USP24: variants seen among roughly 807,000 people sequenced by gnomAD.
The protein encoded by USP24 is ubiquitin carboxyl-terminal hydrolase 24.
In USP24, 97 loss-of-function variants were observed where a neutral mutation model predicts 361.6. The ratio of observed to expected loss-of-function variants is 0.27; its 90% CI spans 0.23 to 0.32. The LOEUF (loss-of-function observed/expected upper bound fraction) is 0.32. USP24 is among the 10% of genes least tolerant of loss of function. The pLI, the probability that USP24 is intolerant of heterozygous loss-of-function variation, is 1.00. For missense variants in USP24, 2,353 were observed against 3,165.6 expected (o/e 0.74, Z 6.16); for synonymous variants, 1,098 against 1,124.6 (o/e 0.98, Z 0.47).
intron 7 of USP24, among the ~76,000 whole-genome samples, chr1:55,162,936 TAATG>T (rs1355691462): frequency 1.4e-4 from 22 of 151,918 alleles, no homozygotes; most frequent in African/African-American, 5.3e-4. Flanking sequence ...ATGAACCAAA[TAATG>T]AATGAATTAA....
intron 39 of USP24, among the ~76,000 whole-genome samples, chr1:55,108,318 T>C (rs947884452): frequency 1.3e-5 from 2 of 152,108 alleles, no homozygotes; most frequent in Non-Finnish European, 2.9e-5. Context: ...ATATTGGAAG[T>C]TGAGACTTGG....
At chr1:55,127,066 T>G (rs1646451302) in intron 32 of USP24, among the ~76,000 whole-genome samples, 1 of 152,142 alleles carries the variant, frequency 6.6e-6, no homozygotes, top group Non-Finnish European at 1.5e-5. Flanking sequence ...CCCCCTCAGT[T>G]TTTTTTCTAA....
At chr1:55,131,808 G>A (rs1437589558) in intron 31 of USP24, among the ~76,000 whole-genome samples, 2 of 152,198 alleles carry the variant, frequency 1.3e-5, no homozygotes, top group Non-Finnish European at 2.9e-5. Flanking sequence ...CACTGATATG[G>A]ATTCTATTCT....
intron 1 of USP24, among the ~76,000 whole-genome samples, chr1:55,184,389 A>G (rs1454440889): frequency 6.6e-6 from 1 of 152,192 alleles, no homozygotes; most frequent in Non-Finnish European, 1.5e-5. Context: ...TAAAAGGTTA[A>G]TCCATCAGGA....
chr1:55,175,821 A>G (rs191197904), intron 3 of USP24, among the ~76,000 whole-genome samples: 41 of 152,318 alleles, frequency 2.7e-4, no homozygotes, highest in Middle Eastern at 6.8e-3. Context: ...TCCCATTCCC[A>G]TTGTTAAGAA....
At chr1:55,207,184 G>C (rs1432270234) in intron 1 of USP24, among the ~76,000 whole-genome samples, 1 of 150,372 alleles carries the variant, frequency 6.7e-6, no homozygotes, top group Non-Finnish European at 1.5e-5. Context: ...TTATAAAATT[G>C]TTACCAAAAT....
chr1:55,192,508 T>C (rs1328900446), intron 1 of USP24, among the ~76,000 whole-genome samples: 1 of 152,254 alleles, frequency 6.6e-6, no homozygotes, highest in Non-Finnish European at 1.5e-5. Flanking sequence ...CTCTTCACGA[T>C]GATTTTAAAC....
intron 51 of USP24, among the ~76,000 whole-genome samples, chr1:55,094,965 T>C (rs1427048154): frequency 1.3e-5 from 2 of 151,950 alleles, no homozygotes; most frequent in African/African-American, 2.4e-5. Flanking sequence ...ATCATGCCAC[T>C]GCACTCCAGC....
intron 1 of USP24, among the ~76,000 whole-genome samples, chr1:55,188,788 G>A (rs1046427938): frequency 1.1e-4 from 16 of 151,262 alleles, no homozygotes; most frequent in African/African-American, 3.6e-4. Flanking sequence ...GTGAAACCCC[G>A]TCTCTACTAA....
chr1:55,081,017 C>T (rs1008037707), intron 59 of USP24, among the ~76,000 whole-genome samples: 1 of 152,090 alleles, frequency 6.6e-6, no homozygotes, highest in African/African-American at 2.4e-5. Flanking sequence ...ATTTTCCACA[C>T]AGTAGTGGTT....
At chr1:55,103,818 T>G in intron 42 of USP24, 58 bp downstream of exon 42, 1 of 1,543,734 alleles carries the variant, frequency 6.5e-7, no homozygotes, top group Non-Finnish European at 8.7e-7. Context: ...GTCTTAAAAT[T>G]ATATGTTTCA....
chr1:55,083,209 A>G, intron 58 of USP24, 63 bp downstream of exon 58: 1 of 1,528,782 alleles, frequency 6.5e-7, no homozygotes, highest in Middle Eastern at 1.7e-4. Flanking sequence ...TCACCTACAA[A>G]AAGAAACACA....
chr1:55,091,995 C>G, intron 54 of USP24, 28 bp downstream of exon 54: 1 of 1,537,236 alleles, frequency 6.5e-7, no homozygotes, highest in Non-Finnish European at 8.9e-7. Context: ...TCTGTCACAA[C>G]AGATTATCAA....
intron 56 of USP24, among the ~76,000 whole-genome samples, chr1:55,084,694 G>C (rs1237382613): frequency 1.3e-5 from 2 of 152,156 alleles, no homozygotes; most frequent in Non-Finnish European, 1.5e-5. Flanking sequence ...ACAAGATAAA[G>C]TGGGTGGCAA....
At chr1:55,107,467 A>G in intron 39 of USP24, 37 bp from the exon 40 acceptor site, 1 of 1,515,772 alleles carries the variant, frequency 6.6e-7, no homozygotes, top group East Asian at 2.4e-5. Flanking sequence ...CAAAGAAAGA[A>G]GGATTTCCCT....
intron 29 of USP24, 72 bp from the exon 30 acceptor site, chr1:55,134,235 T>TATAAA: frequency 6.4e-7 from 1 of 1,567,594 alleles, no homozygotes; most frequent in South Asian, 1.1e-5. Flanking sequence ...TAGTATGGAA[T>TATAAA]ATAAAATAAA....
At chr1:55,128,853 T>C (rs1013989275) in intron 32 of USP24, among the ~76,000 whole-genome samples, 3 of 151,764 alleles carry the variant, frequency 2.0e-5, no homozygotes, top group African/African-American at 7.3e-5. Flanking sequence ...TAGTTAGGAC[T>C]ACAAGTGCAT....
chr1:55,160,617 A>G, intron 8 of USP24, among the ~76,000 whole-genome samples: 1 of 152,176 alleles, frequency 6.6e-6, no homozygotes, highest in East Asian at 1.9e-4. Context: ...TTAATTTTGG[A>G]TGGTTTGACA....
At chr1:55,109,019 C>T (rs555507782) in intron 39 of USP24, among the ~76,000 whole-genome samples, 110 of 152,308 alleles carry the variant, frequency 7.2e-4, no homozygotes, top group African/African-American at 2.6e-3. Context: ...GACTCTGTCT[C>T]GCTCTGTCGC....
Sources: allele counts gnomAD v4.1 joint callset (sites outside exome capture counted in the v4.1 genomes callset), GRCh38; gene constraint gnomAD v4.1.1; transcripts MANE v1.5; gene names NCBI Gene and HGNC (gene_info 2026-07-23, HGNC 2026-07-21).